Variants in EHBP1 observed in about 807,000 individuals in gnomAD.
EHBP1 encodes the protein EH domain binding protein 1, also known as EH domain-binding protein 1.
Under a neutral mutation model 144.0 loss-of-function variants are expected in EHBP1, and 55 were observed. The observed-to-expected ratio is 0.38, with a 90% CI of 0.31 to 0.48. EHBP1 has a LOEUF of 0.48. Among genes scored for constraint, EHBP1 ranks in the 20% least tolerant of loss-of-function variants. The pLI, the probability that EHBP1 is intolerant of heterozygous loss-of-function variation, is 0.98. For synonymous variants in EHBP1, 469 were observed against 472.7 expected (o/e 0.99, Z 0.10); for missense variants, 1,200 against 1,364.2 (o/e 0.88, Z 1.90).
At chr2:62,827,196 C>T (rs1373600422) in intron 6 of EHBP1, among the ~76,000 whole-genome samples, 1 of 152,180 alleles carries the variant, frequency 6.6e-6, no homozygotes, top group African/African-American at 2.4e-5. Flanking sequence ...ATCTACATGG[C>T]AACACATGAC....
intron 14 of EHBP1, among the ~76,000 whole-genome samples, chr2:62,962,817 T>C (rs931151850): frequency 6.6e-6 from 1 of 152,250 alleles, no homozygotes; most frequent in Non-Finnish European, 1.5e-5. Context: ...GGTTTGCAGA[T>C]AGTTGTTAGG....
At chr2:62,944,618 A>G (rs1208537198) in intron 12 of EHBP1, among the ~76,000 whole-genome samples, 1 of 152,204 alleles carries the variant, frequency 6.6e-6, no homozygotes, top group Non-Finnish European at 1.5e-5. Context: ...ACACATGACT[A>G]TATTTTCCCA....
chr2:62,998,185 C>T (rs540839111), intron 19 of EHBP1, among the ~76,000 whole-genome samples: 1 of 152,060 alleles, frequency 6.6e-6, no homozygotes. Context: ...CATACGGGAC[C>T]CTTCTTGCTA....
intron 19 of EHBP1, among the ~76,000 whole-genome samples, chr2:63,022,610 T>C (rs1252787869): frequency 2.0e-5 from 3 of 152,016 alleles, no homozygotes; most frequent in African/African-American, 7.2e-5. Context: ...CCACCGCACC[T>C]GGCCAACATT....
intron 9 of EHBP1, among the ~76,000 whole-genome samples, chr2:62,871,549 A>G (rs1440004821): frequency 6.6e-6 from 1 of 152,212 alleles, no homozygotes; most frequent in Non-Finnish European, 1.5e-5. Flanking sequence ...AGTATTTATC[A>G]TCTTTTCTCT....
chr2:62,820,166 G>A (rs148128079), intron 5 of EHBP1, among the ~76,000 whole-genome samples: 2 of 147,854 alleles, frequency 1.4e-5, no homozygotes, highest in African/African-American at 2.5e-5. Context: ...AAATGAGATC[G>A]TGCCAATGCG....
At chr2:62,829,831 TA>T (rs964459095) in intron 6 of EHBP1, among the ~76,000 whole-genome samples, 71 of 147,832 alleles carry the variant, frequency 4.8e-4, no homozygotes, top group East Asian at 2.1e-3. Context: ...AATTTAAGAA[TA>T]AAAAAAATAG....
chr2:62,955,724 AATTTGCTTGT>A (rs2057661777), intron 14 of EHBP1, 64 bp downstream of exon 14: 1 of 1,532,608 alleles, frequency 6.5e-7, no homozygotes, highest in African/African-American at 1.4e-5. Flanking sequence ...GGAGGGAAGT[AATTTGCTTGT>A]ATTTCTGCTA....
intron 2 of EHBP1, among the ~76,000 whole-genome samples, chr2:62,735,452 T>C (rs1211902675): frequency 6.6e-6 from 1 of 152,180 alleles, no homozygotes; most frequent in Non-Finnish European, 1.5e-5. Flanking sequence ...TTCATTTCAC[T>C]TATATATAAG....
rs1413750175 is a variant in EHBP1 at position 62,963,507 on chromosome 2, T to C, written c.2460+7847T>C. 2.0e-5 allele frequency among the ~76,000 whole-genome samples: 3 copies of C among 152,308 alleles called. No homozygotes were observed. In the South Asian group the frequency reaches 6.2e-4, roughly 32 times the overall value. ...GTATATATCATCATAAAAATATGTA[T>C]GAGATTATACTTACATATTTATGAA... On this transcript the variant is annotated intron_variant, in intron 14 of 22. Transcript: ENST00000431489.
intron 2 of EHBP1, among the ~76,000 whole-genome samples, chr2:62,724,193 C>T (rs1413033447): frequency 6.6e-6 from 1 of 152,132 alleles, no homozygotes; most frequent in East Asian, 1.9e-4. Context: ...TTTGTCTATT[C>T]TTGTCTGACT....
At chr2:62,970,447 T>C (rs1463074941) in intron 14 of EHBP1, among the ~76,000 whole-genome samples, 1 of 152,108 alleles carries the variant, frequency 6.6e-6, no homozygotes, top group East Asian at 1.9e-4. Flanking sequence ...ATAAACACAA[T>C]TTTACGAAGA....
intron 12 of EHBP1, among the ~76,000 whole-genome samples, chr2:62,946,848 T>C (rs934754653): frequency 2.0e-5 from 3 of 152,186 alleles, no homozygotes; most frequent in Non-Finnish European, 4.4e-5. Context: ...ATAAAATGAA[T>C]TGCTACATGA....
At chr2:63,040,751 C>T (rs937834357) in intron 21 of EHBP1, among the ~76,000 whole-genome samples, 3 of 152,146 alleles carry the variant, frequency 2.0e-5, no homozygotes, top group African/African-American at 7.2e-5. Context: ...AAGATACTGT[C>T]TTAAGAAAGA....
intron 10 of EHBP1, among the ~76,000 whole-genome samples, chr2:62,897,801 C>G (rs994956284): frequency 1.3e-5 from 2 of 152,136 alleles, no homozygotes; most frequent in Non-Finnish European, 2.9e-5. Flanking sequence ...AGGAAGAAAA[C>G]TTAAGAGCCA....
At position 62,707,169 on chromosome 2, in the gene EHBP1, C is replaced by T; in HGVS notation, c.-23C>T. ...CTGCTGTATTGCTAACCCAGAACTG[C>T]TCCAGTGTCTTGACTGATCATCATG... On this transcript the variant is annotated 5_prime_UTR_variant, in exon 2 of 23. Coordinates refer to ENST00000431489, the MANE Select transcript of EHBP1 (RefSeq NM_001142616.3). 6.3e-7 allele frequency: 1 copy of T among 1,597,954 alleles called. No individual in the cohort carries two copies. The highest frequency in any genetic ancestry group is 1.3e-5 in the African/African-American group (1 of 74,764).
intron 6 of EHBP1, among the ~76,000 whole-genome samples, chr2:62,827,266 G>C (rs1014293896): frequency 1.3e-5 from 2 of 152,210 alleles, no homozygotes; most frequent in Admixed American, 6.5e-5. Context: ...GTGTGGTAGA[G>C]AGACAGTGCA....
chr2:62,873,030 A>G (rs982277667), intron 9 of EHBP1, among the ~76,000 whole-genome samples: 2 of 152,204 alleles, frequency 1.3e-5, no homozygotes, highest in African/African-American at 4.8e-5. Flanking sequence ...GTGTGGAGAT[A>G]TTAATTTTCT....
At chr2:62,859,350 A>T in intron 8 of EHBP1, 59 bp downstream of exon 8, 1 of 1,478,964 alleles carries the variant, frequency 6.8e-7, no homozygotes, top group Non-Finnish European at 9.1e-7. Context: ...TTGAACTGTA[A>T]GGGCAGGAAA....
Sources: allele counts gnomAD v4.1 joint callset (sites outside exome capture counted in the v4.1 genomes callset), GRCh38; gene constraint gnomAD v4.1.1; transcripts MANE v1.5; gene names NCBI Gene and HGNC (gene_info 2026-07-23, HGNC 2026-07-21).